Variants in EVL observed in about 807,000 individuals in gnomAD.
EVL encodes the protein Enah/Vasp-like, also known as ena/VASP-like protein.
EVL carries 21 observed loss-of-function variants against 59.6 expected under a neutral mutation model. The observed-to-expected ratio is 0.35, with a 90% CI of 0.25 to 0.51. EVL has a LOEUF of 0.51. Among genes scored for constraint, EVL ranks in the 20% least tolerant of loss-of-function variants. EVL has a pLI of 0.97. For missense variants in EVL, 462 were observed against 546.6 expected, an observed-to-expected ratio of 0.85 and a Z score of 1.54; for synonymous variants, 198 against 203.5, an observed-to-expected ratio of 0.97 and a Z score of 0.23.
At chr14:100,097,342 T>C (rs1038547749) in intron 2 of EVL, 139 bp from the exon 3 acceptor site, 10 of 698,396 alleles carry the variant, frequency 1.4e-5, no homozygotes, top group African/African-American at 1.3e-4. Flanking sequence ...GTCTACCTGA[T>C]ATTGCTTTTC....
chr14:100,032,161 A>G (rs1049849291), intron 1 of EVL, among the ~76,000 whole-genome samples: 3 of 152,260 alleles, frequency 2.0e-5, no homozygotes, highest in Admixed American at 6.5e-5. Context: ...AAGTGCACTC[A>G]GTGATGAAAT....
At position 100,020,085 on chromosome 14, in the gene EVL, A is replaced by G. The variant is rs60853552; in HGVS notation, c.5+48028A>G. ...CTACTGCTCTTTTTAAAAAATGCTGATTGTAGCAGTGAAGGTGAAAAATTC... is the reference window on the plus strand; with the variant it reads ...CTACTGCTCTTTTTAAAAAATGCTGGTTGTAGCAGTGAAGGTGAAAAATTC... On this transcript the variant is annotated intron_variant, in intron 1 of 13. Transcript: ENST00000402714. Among the ~76,000 whole-genome samples, 1,756 of 152,272 alleles carry G rather than the reference A, an allele frequency of 0.012. 81 individuals carry two copies. In the East Asian group the frequency reaches 0.16, roughly 14 times the overall value.
rs546336563 is a variant in EVL at position 100,016,546 on chromosome 14, C to T, written c.5+44489C>T. Among the ~76,000 whole-genome samples the T allele has an allele frequency of 7.9e-5, 12 of 152,262 alleles. No homozygotes were observed. The Middle Eastern group carries it at 0.01, about 129-fold the overall frequency. ...CCGGCTCAAAAAACAAACAAACGTC[C>T]GGCCTGGGCAAAAGAGCGAGACTCC... On this transcript the variant is annotated intron_variant, in intron 1 of 13. Coordinates refer to the EVL transcript ENST00000402714.
In EVL at chr14:100,014,567, A is replaced by G. The variant is rs141460043; in HGVS notation, c.5+42510A>G. The stretch of plus-strand genomic sequence containing the variant: ...CTTAGGTTGCTTCCAAATCTTGGCT[A>G]TTGTCAACAGTGCTGCAGTAAACAT... On this transcript the variant is annotated intron_variant, in intron 1 of 13. Transcript: ENST00000402714. Among the ~76,000 whole-genome samples the G allele has an allele frequency of 2.9e-3, 439 of 152,300 alleles. 1 individual carries two copies. The highest frequency in any genetic ancestry group is 0.01 in the African/African-American group (423 of 41,564).
At chr14:99,999,928 T>C (rs1269740763) in intron 1 of EVL, among the ~76,000 whole-genome samples, 1 of 152,264 alleles carries the variant, frequency 6.6e-6, no homozygotes, top group Non-Finnish European at 1.5e-5. Context: ...AGTAATTCTT[T>C]ACTGTCTTCA....
chr14:100,109,271 G>A lies in EVL; in HGVS notation c.358+11613G>A, dbSNP rs141187052. The A allele has an allele frequency of 2.9e-4, 93 of 315,678 alleles. 2 individuals are homozygous for A. Among genetic ancestry groups the A allele is most frequent in the South Asian group, 1.9e-3 (72 of 37,610 alleles). The allele number at this position is 315,678 out of a possible 1,614,324, so 19.6% of individuals were successfully genotyped here. ...CCTGGGCTGCGTCTAAAGGGGCCCC[G>A]CCCCTGCCCTCATGCATGTTCTCTC... is the stretch of plus-strand genomic sequence containing the variant. On this transcript the variant is annotated intron_variant, in intron 3 of 13. Coordinates refer to ENST00000392920, the MANE Select transcript of EVL (RefSeq NM_016337.3). The surrounding 1 kb of genome is among the most constrained non-coding windows in gnomAD (Gnocchi z 4.3).
At chr14:100,134,359 T>C (rs1888636762) in intron 8 of EVL, among the ~76,000 whole-genome samples, 1 of 152,168 alleles carries the variant, frequency 6.6e-6, no homozygotes, top group Non-Finnish European at 1.5e-5. Context: ...CTAAGAAGAA[T>C]GGATTTCAAA....
intron 8 of EVL, among the ~76,000 whole-genome samples, chr14:100,133,684 T>C (rs1290630958): frequency 6.6e-6 from 1 of 152,108 alleles, no homozygotes; most frequent in Non-Finnish European, 1.5e-5. Flanking sequence ...ACACTTGTAG[T>C]CCCAGCACTT....
In EVL at chr14:100,109,694, G is replaced by A. The variant is rs1390553620; in HGVS notation, c.358+12036G>A. 7 of 532,660 alleles carry A rather than the reference G, an allele frequency of 1.3e-5. No individual in the cohort carries two copies. The Admixed American group carries it at 1.4e-4, about 10-fold the overall frequency. The allele number at this position is 532,660 out of a possible 1,614,324, so 33.0% of individuals were successfully genotyped here. ...GGTGAGGGGTGCTATCTGTGATTGA[G>A]GGACATGGTTAATGGAATTGTCTCA... On this transcript the variant is annotated intron_variant, in intron 3 of 13. Transcript: ENST00000392920. The surrounding 1 kb of genome is among the most constrained non-coding windows in gnomAD (Gnocchi z 4.3).
intron 1 of EVL, among the ~76,000 whole-genome samples, chr14:100,078,873 C>T (rs2062226994): frequency 6.6e-6 from 1 of 152,178 alleles, no homozygotes; most frequent in South Asian, 2.1e-4. Context: ...AATTGGCCCT[C>T]AAGACAGAGT....
chr14:100,097,489 C>A lies in EVL; in HGVS notation c.189C>A (p.Ile63=). The A allele has an allele frequency of 1.2e-6, 2 of 1,605,212 alleles. No individual in the cohort carries two copies. Among genetic ancestry groups the A allele is most frequent in the South Asian group, 1.1e-5 (1 of 89,710 alleles). The change falls in exon 3 of 14, where the codon ATC becomes ATA. Residue 63 remains isoleucine, a synonymous_variant. Transcript: ENST00000392920. ...TCTCCTTTCTCCTCCAGGTTGTGAT[C>A]AATTATTCAATCGTGAAAGGGCTGA... ...GVKLQDQQVV[I]NYSIVKGLKY...
intron 1 of EVL, among the ~76,000 whole-genome samples, chr14:100,011,935 G>C (rs1448473895): frequency 5.9e-5 from 9 of 152,148 alleles, no homozygotes; most frequent in Non-Finnish European, 1.3e-4. Flanking sequence ...TGATCCTCAG[G>C]ATTTCTGTGT....
chr14:100,068,399 G>GT (rs2061981624), intron 1 of EVL, among the ~76,000 whole-genome samples: 1 of 152,210 alleles, frequency 6.6e-6, no homozygotes, highest in Non-Finnish European at 1.5e-5. Context: ...AATTTAGCGC[G>GT]TATGTCAGAA....
chr14:99,991,083 C>T (rs1054148491), intron 1 of EVL, among the ~76,000 whole-genome samples: 1 of 152,050 alleles, frequency 6.6e-6, no homozygotes, highest in Non-Finnish European at 1.5e-5. Flanking sequence ...GATGAACTGC[C>T]ACCCCCTGAG....
chr14:99,990,320 T>C (rs190006062), intron 1 of EVL, among the ~76,000 whole-genome samples: 13 of 152,306 alleles, frequency 8.5e-5, no homozygotes, highest in Admixed American at 8.5e-4. Context: ...TTATTTCCAG[T>C]GTTCGCTCTT....
upstream of EVL, among the ~76,000 whole-genome samples, chr14:100,062,738 G>T (rs2061859816): frequency 6.6e-6 from 1 of 152,160 alleles, no homozygotes; most frequent in Non-Finnish European, 1.5e-5. Context: ...GAAAGTGAAA[G>T]GATGGGTAGT....
chr14:100,133,647 AC>A lies in EVL; in HGVS notation c.900+869del, dbSNP rs374946884. Among the ~76,000 whole-genome samples, 6 of 152,270 alleles carry A rather than the reference AC, an allele frequency of 3.9e-5. No individual in the cohort carries two copies. In the East Asian group the frequency reaches 1.2e-3, roughly 29 times the overall value. ...CTGCATCACCCTTACACCTTAAAAA[AC>A]AGCCTCCCGGCCGGCTCAACACTTC... On this transcript the variant is annotated intron_variant, in intron 8 of 13. Coordinates refer to ENST00000392920, the MANE Select transcript of EVL (RefSeq NM_016337.3).
chr14:100,042,044 A>G (rs1777518552), intron 1 of EVL, among the ~76,000 whole-genome samples: 1 of 152,264 alleles, frequency 6.6e-6, no homozygotes, highest in South Asian at 2.1e-4. Context: ...AGTAAAAAGA[A>G]TGGATCATAT....
intron 1 of EVL, among the ~76,000 whole-genome samples, chr14:100,008,671 G>C (rs534501689): frequency 1.3e-5 from 2 of 152,250 alleles, no homozygotes; most frequent in East Asian, 3.9e-4. Context: ...ATGGTAGTAT[G>C]AATATATCTT....
Sources: gnomAD v4.1 joint callset for allele counts (sites outside exome capture counted in the v4.1 genomes callset) on GRCh38, gnomAD v4.1.1 for gene constraint, Gnocchi (gnomAD v3.1) non-coding constraint, MANE v1.5 for transcripts, NCBI Gene and HGNC (gene_info 2026-07-23, HGNC 2026-07-21) for gene names.